RALGAPA2: variants seen among roughly 807,000 people sequenced by gnomAD.
RALGAPA2 encodes Ral GTPase activating protein catalytic subunit alpha 2, also known as ral GTPase-activating protein subunit alpha-2.
In RALGAPA2, 139 loss-of-function variants were observed where a neutral mutation model predicts 230.4. That is an observed-to-expected ratio of 0.60 (90% CI 0.53 to 0.69). RALGAPA2 has a LOEUF of 0.69. Among genes scored for constraint, RALGAPA2 ranks in the 30% least tolerant of loss-of-function variants. The probability of loss-of-function intolerance (pLI) is 0.00; values close to 1 mark genes in which losing one functional copy is unlikely to be tolerated. For synonymous variants in RALGAPA2, 847 were observed against 837.8 expected (o/e 1.01, Z -0.19); for missense variants, 2,163 against 2,276.0 (o/e 0.95, Z 1.01).
At position 20,712,472 on chromosome 20, in the gene RALGAPA2, G is replaced by A; in HGVS notation, c.9C>T (p.Ser3=). Residue 3 remains serine, a synonymous_variant, in exon 1 of 40, where the codon TCC becomes TCT. Transcript: ENST00000202677. The surrounding 1 kb of genome is among the most constrained non-coding windows in gnomAD (Gnocchi z 5.5). ...TCTTCACATCCCCGTGGCTCCTTCGGGAGAACATCCCGCGGCAGGAAGCCC... is the reference window on the plus strand; with the variant it reads ...TCTTCACATCCCCGTGGCTCCTTCGAGAGAACATCCCGCGGCAGGAAGCCC... MF[S]RRSHGDVKKS... 6.5e-7 allele frequency: 1 copy of A among 1,548,500 alleles called. No individual in the cohort carries two copies. The highest frequency in any genetic ancestry group is 8.7e-7 in the Non-Finnish European group (1 of 1,145,912).
chr20:20,683,999 T>C (rs865900421), intron 1 of RALGAPA2, among the ~76,000 whole-genome samples: 11 of 152,310 alleles, frequency 7.2e-5, no homozygotes, highest in Middle Eastern at 6.8e-3. Flanking sequence ...GCCACCTGTA[T>C]ATAAACTGTG....
intron 3 of RALGAPA2, among the ~76,000 whole-genome samples, chr20:20,675,870 A>C (rs766543351): frequency 2.0e-5 from 3 of 152,146 alleles, no homozygotes; most frequent in African/African-American, 7.2e-5. Flanking sequence ...TTTATATAAC[A>C]TTTTTGGGTT....
At position 20,605,313 on chromosome 20, in the gene RALGAPA2, C is replaced by T; in HGVS notation, c.1900G>A (p.Glu634Lys). 6.2e-7 allele frequency: 1 copy of T among 1,613,808 alleles called. No homozygotes were observed. The highest frequency in any genetic ancestry group is 8.5e-7 in the Non-Finnish European group (1 of 1,179,800). Residue 634 changes from glutamate (E) to lysine (K), a missense_variant, in exon 15 of 40, where the codon GAG (glutamate) becomes AAG (lysine). Physicochemically the swap from Glu to Lys is moderately conservative, Grantham distance 56. Transcript: ENST00000202677. ...TTGGCCCACTCGTTTATAAGTTCCT[C>T]CCATTCCGTGAGGGAGGACAGCACA... ...LGVLSSLTEW[E>K]ELINEWANIM...
intron 37 of RALGAPA2, among the ~76,000 whole-genome samples, chr20:20,436,683 T>C (rs1028877677): frequency 6.6e-6 from 1 of 152,224 alleles, no homozygotes; most frequent in Non-Finnish European, 1.5e-5. Flanking sequence ...TCGTCTCTGC[T>C]GCCATAAGGT....
intron 24 of RALGAPA2, among the ~76,000 whole-genome samples, chr20:20,537,927 C>T (rs1052087199): frequency 7.9e-5 from 12 of 152,196 alleles, no homozygotes; most frequent in Non-Finnish European, 1.2e-4. Flanking sequence ...AGAAGTTAAG[C>T]AGCTTTTCAG....
At chr20:20,521,741 G>T (rs1262068689) in intron 30 of RALGAPA2, among the ~76,000 whole-genome samples, 2 of 152,150 alleles carry the variant, frequency 1.3e-5, no homozygotes, top group Non-Finnish European at 2.9e-5. Flanking sequence ...AATTGTAACA[G>T]ATTTCCCTTT....
chr20:20,698,995 T>C (rs2069233745), intron 1 of RALGAPA2, among the ~76,000 whole-genome samples: 1 of 152,256 alleles, frequency 6.6e-6, no homozygotes, highest in East Asian at 1.9e-4. Flanking sequence ...TTTTAATCTC[T>C]AAGTTTATAT....
intron 33 of RALGAPA2, among the ~76,000 whole-genome samples, chr20:20,507,065 A>C (rs1173619239): frequency 1.3e-5 from 2 of 152,248 alleles, no homozygotes; most frequent in Non-Finnish European, 2.9e-5. Context: ...AAGCTACTAC[A>C]TTCTGTTTTA....
At chr20:20,678,123 T>C (rs1176601374) in intron 2 of RALGAPA2, among the ~76,000 whole-genome samples, 1 of 152,174 alleles carries the variant, frequency 6.6e-6, no homozygotes, top group East Asian at 1.9e-4. Context: ...ATTCTGGATG[T>C]ATTTTGAAGA....
chr20:20,396,256 C>T (rs1371183647), intron 39 of RALGAPA2, among the ~76,000 whole-genome samples: 2 of 152,282 alleles, frequency 1.3e-5, no homozygotes, highest in African/African-American at 2.4e-5. Flanking sequence ...AACCTGCCCT[C>T]CCCGCATGGA....
At chr20:20,471,406 A>C (rs2061537067) in intron 37 of RALGAPA2, 1 of 151,594 alleles carries the variant, frequency 6.6e-6, no homozygotes, top group East Asian at 1.9e-4. Flanking sequence ...TCTCATTTGT[A>C]AAATAAGATT....
At chr20:20,621,365 A>G (rs891220152) in intron 10 of RALGAPA2, among the ~76,000 whole-genome samples, 7 of 151,982 alleles carry the variant, frequency 4.6e-5, no homozygotes, top group Non-Finnish European at 7.4e-5. Flanking sequence ...TCTCAGCTCC[A>G]TGTTCACTGA....
chr20:20,548,224 C>T (rs754010921), intron 23 of RALGAPA2, among the ~76,000 whole-genome samples: 1 of 152,102 alleles, frequency 6.6e-6, no homozygotes, highest in Admixed American at 6.6e-5. Flanking sequence ...TGATTTAATT[C>T]TATCAGTATC....
At chr20:20,656,440 C>T (rs950679291) in intron 3 of RALGAPA2, among the ~76,000 whole-genome samples, 1 of 152,136 alleles carries the variant, frequency 6.6e-6, no homozygotes, top group Non-Finnish European at 1.5e-5. Flanking sequence ...GCCTTGAGAA[C>T]ACACAACCTT....
chr20:20,582,198 C>G (rs796175858), intron 20 of RALGAPA2, among the ~76,000 whole-genome samples: 50 of 110,362 alleles, frequency 4.5e-4, no homozygotes, highest in Non-Finnish European at 7.8e-4. Context: ...GTGTGTGTGT[C>G]TGTGTGTGTG....
At chr20:20,687,954 A>T (rs1253358166) in intron 1 of RALGAPA2, among the ~76,000 whole-genome samples, 1 of 152,196 alleles carries the variant, frequency 6.6e-6, no homozygotes, top group African/African-American at 2.4e-5. Flanking sequence ...CCTTTTCCTG[A>T]CACCAGCCAG....
intron 37 of RALGAPA2, among the ~76,000 whole-genome samples, chr20:20,416,584 G>A (rs1470455889): frequency 1.3e-5 from 2 of 152,176 alleles, no homozygotes; most frequent in African/African-American, 2.4e-5. Context: ...TTAAATATAC[G>A]TGAGCTATAA....
Position 20,539,222 on chromosome 20 carries a change from AG to A in RALGAPA2, c.3286-2439del, listed in dbSNP as rs140044552. 9.5e-3 allele frequency among the ~76,000 whole-genome samples: 1,453 copies of A among 152,234 alleles called. 19 individuals are homozygous for A. Among genetic ancestry groups the A allele is most frequent in the African/African-American group, 0.033 (1,386 of 41,536 alleles). ...TCCTCCCCCACTGCCTCAGTGGGGC[AG>A]TCCTACCTAGCAGGGGTACTTCAAA... On this transcript the variant is annotated intron_variant, in intron 24 of 39. Coordinates refer to ENST00000202677, the MANE Select transcript of RALGAPA2 (RefSeq NM_020343.4).
At chr20:20,568,544 T>C (rs1190581121) in intron 23 of RALGAPA2, among the ~76,000 whole-genome samples, 1 of 152,216 alleles carries the variant, frequency 6.6e-6, no homozygotes, top group Non-Finnish European at 1.5e-5. Context: ...ACACAACTCA[T>C]GAGACATCTA....
Sources: allele counts gnomAD v4.1 joint callset (sites outside exome capture counted in the v4.1 genomes callset), GRCh38; gene constraint gnomAD v4.1.1; non-coding constraint Gnocchi (gnomAD v3.1); transcripts MANE v1.5; gene names NCBI Gene and HGNC (gene_info 2026-07-23, HGNC 2026-07-21).